The following EML4 variants were observed in gnomAD, a reference collection of about 807,000 sequenced individuals.
The protein encoded by EML4 is EMAP like 4.
A neutral mutation model predicts 129.0 loss-of-function variants in EML4; 72 were observed. The ratio of observed to expected loss-of-function variants is 0.56; its 90% CI spans 0.46 to 0.68. The LOEUF (loss-of-function observed/expected upper bound fraction) is 0.68. EML4 is among the 30% of genes least tolerant of loss of function. The probability of loss-of-function intolerance (pLI) is 0.00; values close to 1 mark genes in which losing one functional copy is unlikely to be tolerated. For synonymous variants in EML4, 532 were observed against 405.0 expected (o/e 1.31, Z -3.77); for missense variants, 1,363 against 1,190.6 (o/e 1.14, Z -2.13).
intron 17 of EML4, among the ~76,000 whole-genome samples, chr2:42,313,266 A>G (rs540444863): frequency 3.9e-5 from 6 of 152,248 alleles, no homozygotes; most frequent in African/African-American, 1.2e-4. Flanking sequence ...AAACCAATGT[A>G]TATCTTAACA....
intron 1 of EML4, among the ~76,000 whole-genome samples, chr2:42,221,403 C>CTT (rs74816568): frequency 1.0e-3 from 109 of 108,240 alleles, no homozygotes; most frequent in East Asian, 1.7e-3. Flanking sequence ...ACATGGTTTA[C>CTT]TTTTTTTTTT....
intron 1 of EML4, among the ~76,000 whole-genome samples, chr2:42,214,603 C>G (rs1372103755): frequency 6.6e-6 from 1 of 152,138 alleles, no homozygotes; most frequent in Admixed American, 6.5e-5. Context: ...GTTGTTATAT[C>G]CAGCATTATT....
chr2:42,260,613 T>C (rs1665670776), intron 3 of EML4, among the ~76,000 whole-genome samples: 1 of 152,246 alleles, frequency 6.6e-6, no homozygotes, highest in African/African-American at 2.4e-5. Flanking sequence ...ACTTACATAA[T>C]TAAAATAACA....
intron 1 of EML4, among the ~76,000 whole-genome samples, chr2:42,200,837 T>G (rs1454658990): frequency 6.6e-6 from 1 of 152,162 alleles, no homozygotes; most frequent in Non-Finnish European, 1.5e-5. Flanking sequence ...GACTGAAATT[T>G]CCAGCGCTTT....
chr2:42,304,805 A>G (rs1668499576), intron 17 of EML4, among the ~76,000 whole-genome samples: 1 of 152,234 alleles, frequency 6.6e-6, no homozygotes, highest in African/African-American at 2.4e-5. Flanking sequence ...TGTGAAGCCT[A>G]CATTTTAGCG....
chr2:42,330,316 GTTTCCATGTGATTTGT>G lies in EML4; in HGVS notation c.*114_*129del. On this transcript the variant is annotated 3_prime_UTR_variant, in exon 23 of 23. Transcript: ENST00000318522. ...AGAATCACTGTTGATTGAGATTTTG[GTTTCCATGTGATTTGT>G]TTTCTTCAATAGTCTTATTTTCAGT... 3.0e-6 allele frequency: 3 copies of G among 999,786 alleles called. No individual in the cohort carries two copies. Among genetic ancestry groups the G allele is most frequent in the Non-Finnish European group, 4.6e-6 (3 of 649,118 alleles). 61.9% of individuals were successfully genotyped at this position (999,786 alleles called of 1,614,324 possible). A position where few individuals can be genotyped will look rare whatever the true frequency, so the allele number is the denominator to read the frequency against.
chr2:42,265,013 G>A (rs2104400724), intron 6 of EML4: 2 of 1,455,058 alleles, frequency 1.4e-6, no homozygotes, highest in Non-Finnish European at 1.9e-6. Context: ...TCTCTTATTT[G>A]GCTTTTTATT....
At chr2:42,316,090 C>A in intron 18 of EML4, 40 bp downstream of exon 18, 1 of 1,347,448 alleles carries the variant, frequency 7.4e-7, no homozygotes, top group Non-Finnish European at 1.1e-6. Flanking sequence ...ATGGCATTCA[C>A]AGCACTTCAC....
chr2:42,184,814 T>G (rs1226593366), intron 1 of EML4, among the ~76,000 whole-genome samples: 1 of 152,180 alleles, frequency 6.6e-6, no homozygotes. Flanking sequence ...TATAGCCCTT[T>G]AAGTATTTCA....
intron 1 of EML4, among the ~76,000 whole-genome samples, chr2:42,223,618 C>G (rs1673762673): frequency 6.6e-6 from 1 of 152,070 alleles, no homozygotes; most frequent in African/African-American, 2.4e-5. Context: ...TTCCCCATGA[C>G]AAGAGTACAA....
rs532573688 is a variant in EML4 at position 42,248,057 on chromosome 2, C to G, written c.208+2370C>G. Among the ~76,000 whole-genome samples the G allele has an allele frequency of 2.6e-5, 4 of 152,226 alleles. No homozygotes were observed. The South Asian group carries it at 6.2e-4, about 24-fold the overall frequency. ...CTGTCACCCAGGCTCACTGTAACCT[C>G]AAACTGCTGGGCACAAGTGGTCCTC... On this transcript the variant is annotated intron_variant, in intron 2 of 22. Coordinates refer to ENST00000318522, the MANE Select transcript of EML4 (RefSeq NM_019063.5).
At chr2:42,227,275 C>T (rs1035385005) in intron 1 of EML4, among the ~76,000 whole-genome samples, 4 of 151,950 alleles carry the variant, frequency 2.6e-5, no homozygotes, top group Non-Finnish European at 4.4e-5. Flanking sequence ...CTGGCATACA[C>T]CTGGTTTTTT....
At position 42,245,529 on chromosome 2, in the gene EML4, C is replaced by T. The variant is rs1010724058; in HGVS notation, c.50C>T (p.Thr17Ile). 2.4e-5 allele frequency: 39 copies of T among 1,613,108 alleles called. No homozygotes were observed. The highest frequency in any genetic ancestry group is 4.0e-5 in the African/African-American group (3 of 74,872). Residue 17 changes from threonine (T) to isoleucine (I), a missense_variant, in exon 2 of 23, where the codon ACT becomes ATT. Coordinates refer to ENST00000318522, the MANE Select transcript of EML4 (RefSeq NM_019063.5). ...SLDDSISAASTSDVQDRLSAL... is the reference protein window; with the variant it reads ...SLDDSISAASISDVQDRLSAL... ...GATGATAGTATTTCTGCTGCAAGTA[C>T]TTCTGATGTTCAAGATCGCCTGTCA...
At chr2:42,261,356 C>G in intron 4 of EML4, 62 bp downstream of exon 4, 1 of 1,416,410 alleles carries the variant, frequency 7.1e-7, no homozygotes, top group East Asian at 2.3e-5. Flanking sequence ...AATTCTGTGA[C>G]TTGGGAAAAA....
At chr2:42,247,692 G>T in intron 2 of EML4, among the ~76,000 whole-genome samples, 1 of 149,930 alleles carries the variant, frequency 6.7e-6, no homozygotes, top group African/African-American at 2.5e-5. Context: ...TATTTATTTA[G>T]AGAGTCAACT....
intron 2 of EML4, among the ~76,000 whole-genome samples, chr2:42,253,277 T>C (rs939436157): frequency 6.6e-6 from 1 of 152,212 alleles, no homozygotes; most frequent in African/African-American, 2.4e-5. Context: ...ATCCTGAAGG[T>C]AGTGGAGAGC....
Position 42,295,362 on chromosome 2 carries a change from T to C in EML4, c.1354-19T>C, listed in dbSNP as rs1667883171. On this transcript the variant is annotated intron_variant, in intron 12 of 22. Transcript: ENST00000318522. ...TCATGGCAAAAAGAAAACTGAAAAT[T>C]TTTATTGTTTCCTTGTAGAAATATG... The C allele has an allele frequency of 6.2e-7, 1 of 1,604,506 alleles. No individual in the cohort carries two copies.
intron 1 of EML4, among the ~76,000 whole-genome samples, chr2:42,235,295 CAAA>C (rs770826722): frequency 1.6e-5 from 2 of 121,772 alleles, no homozygotes; most frequent in Non-Finnish European, 1.8e-5. Context: ...AACTCCATCT[CAAA>C]AAAAAAAAAA....
intron 1 of EML4, among the ~76,000 whole-genome samples, chr2:42,214,858 A>C (rs1205108840): frequency 6.6e-6 from 1 of 152,176 alleles, no homozygotes; most frequent in Non-Finnish European, 1.5e-5. Context: ...TATTCCAGGA[A>C]AACAGTCTTA....
Sources: gnomAD v4.1 joint callset for allele counts (sites outside exome capture counted in the v4.1 genomes callset) on GRCh38, gnomAD v4.1.1 for gene constraint, MANE v1.5 for transcripts, NCBI Gene and HGNC (gene_info 2026-07-23, HGNC 2026-07-21) for gene names.